The following VWF variants were observed in gnomAD, a reference collection of about 807,000 sequenced individuals.
VWF encodes the protein Factor VIII related antigen.
A neutral mutation model predicts 308.6 loss-of-function variants in VWF; 176 were observed. The observed-to-expected ratio is 0.57, with a 90% confidence interval of 0.50 to 0.65. The LOEUF is 0.65. Among genes scored for constraint, VWF ranks in the 30% least tolerant of loss-of-function variants. The probability of loss-of-function intolerance (pLI) is 0.00; values close to 1 mark genes in which losing one functional copy is unlikely to be tolerated. For synonymous variants in VWF, 1,385 were observed against 1,443.4 expected, an observed-to-expected ratio of 0.96 and a Z score of 0.92; for missense variants, 3,146 against 3,648.2, an observed-to-expected ratio of 0.86 and a Z score of 3.55.
In VWF at chr12:6,124,424, C is replaced by T. The variant is rs1022384177; in HGVS notation, c.-4G>A. ...GCTCTCCTTCCAAAGGCCATACCTT[C>T]CCCTGCAAATGAGGGCTGCGGCTAT... On this transcript the variant is annotated 5_prime_UTR_variant, in exon 1 of 52. Coordinates refer to ENST00000261405, the MANE Select transcript of VWF (RefSeq NM_000552.5). 2.6e-5 allele frequency: 4 copies of T among 152,550 alleles called. No homozygotes were observed. Among genetic ancestry groups the T allele is most frequent in the African/African-American group, 9.6e-5 (4 of 41,452 alleles). The allele number at this position is 152,550 out of a possible 1,614,324, so 9.4% of individuals were successfully genotyped here.
intron 5 of VWF, 97 bp downstream of exon 5, chr12:6,110,277 C>T: frequency 7.6e-7 from 1 of 1,323,882 alleles, no homozygotes; most frequent in Non-Finnish European, 1.1e-6. Flanking sequence ...CACAGTGAGG[C>T]TTGAATGCCA....
rs1476253383 is a variant in VWF, at chr12:6,026,012, C to G, written c.3002G>C (p.Gly1001Ala). The G allele has an allele frequency of 1.2e-6, 2 of 1,613,986 alleles. No homozygotes were observed. The highest frequency in any genetic ancestry group is 3.3e-5 in the Admixed American group (2 of 60,022). ...KVCGLCGNFD[G>A]IQNNDLTSSN... ...GCTGGTGAGGTCATTGTTCTGGATGCCATCAAAATTCCCACACAGGCCACA... is the reference window on the plus strand; with the variant it reads ...GCTGGTGAGGTCATTGTTCTGGATGGCATCAAAATTCCCACACAGGCCACA... The change falls in exon 23 of 52, where the codon GGC becomes GCC. Residue 1001 changes from glycine to alanine, a missense_variant. Around this residue, in one of 3 missense-constraint regions of VWF, gnomAD observed 1,304 missense variants for 1,353.0 expected, o/e 0.96. Coordinates refer to ENST00000261405, the MANE Select transcript of VWF (RefSeq NM_000552.5).
At chr12:6,003,098 T>C (rs1943889876) in intron 34 of VWF, among the ~76,000 whole-genome samples, 1 of 152,164 alleles carries the variant, frequency 6.6e-6, no homozygotes, top group South Asian at 2.1e-4. Flanking sequence ...TAAAAGAAGA[T>C]GTAGACAAAA....
intron 8 of VWF, 113 bp downstream of exon 8, chr12:6,073,506 A>T: frequency 6.9e-7 from 1 of 1,455,370 alleles, no homozygotes; most frequent in Non-Finnish European, 9.5e-7. Flanking sequence ...ACTTAATAAA[A>T]GGCTTCTGAT....
At chr12:6,045,326 CTT>C (rs1343220272) in intron 17 of VWF, among the ~76,000 whole-genome samples, 14 of 152,224 alleles carry the variant, frequency 9.2e-5, no homozygotes. Context: ...TATGGAAACT[CTT>C]GTTAGAAAAC....
chr12:6,064,361 C>T lies in VWF; in HGVS notation c.1317G>A (p.Val439=). The part of the protein sequence containing the change: ...TVQCADDRDA[V]CTRSVTVRLP... ...GCCGGACGGTGACGGAGCGGGTGCACACAGCGTCGCGGTCATCAGCACACT... is the reference window on the plus strand; with the variant it reads ...GCCGGACGGTGACGGAGCGGGTGCATACAGCGTCGCGGTCATCAGCACACT... The change falls in exon 12 of 52, where the codon GTG becomes GTA. Residue 439 remains valine (V), a synonymous_variant. Coordinates refer to ENST00000261405, the MANE Select transcript of VWF (RefSeq NM_000552.5). The T allele has an allele frequency of 1.2e-6, 2 of 1,614,138 alleles. No homozygotes were observed. The highest frequency in any genetic ancestry group is 1.6e-4 in the Middle Eastern group (1 of 6,062).
rs756163194 is a variant in VWF, at chr12:5,994,563, C to T, written c.6108G>A (p.Gly2036=). Residue 2036 remains glycine (G), a synonymous_variant, in exon 36 of 52, where the codon GGG becomes GGA. Coordinates refer to ENST00000261405, the MANE Select transcript of VWF (RefSeq NM_000552.5). ...GRLVSVPYVG[G]NMEVNVYGAI... is the part of the protein sequence containing the mutation. Reference sequence around the variant, plus strand: ...CACCATAAACGTTGACTTCCATGTTCCCACCCACGTAAGGAACAGAGACCA... The same window carrying T: ...CACCATAAACGTTGACTTCCATGTTTCCACCCACGTAAGGAACAGAGACCA... 102 of 1,613,816 alleles carry T rather than the reference C, an allele frequency of 6.3e-5. No individual in the cohort carries two copies. Among genetic ancestry groups the T allele is most frequent in the Admixed American group, 1.7e-5 (1 of 59,990 alleles).
chr12:5,988,530 A>G (rs1342891697), intron 38 of VWF, among the ~76,000 whole-genome samples: 1 of 152,166 alleles, frequency 6.6e-6, no homozygotes, highest in East Asian at 1.9e-4. Context: ...TAAATCACAC[A>G]ATTTTCCAAC....
chr12:5,992,975 T>C (rs1049879606), intron 37 of VWF, among the ~76,000 whole-genome samples: 22 of 152,172 alleles, frequency 1.4e-4, no homozygotes, highest in Non-Finnish European at 7.3e-5. Context: ...CTAAGGAACC[T>C]ACAGGTTATC....
chr12:6,074,424 A>G (rs2136473162), intron 7 of VWF, among the ~76,000 whole-genome samples: 1 of 143,400 alleles, frequency 7.0e-6, no homozygotes, highest in African/African-American at 2.7e-5. Flanking sequence ...ACACCAAACT[A>G]TTGCCCCTTA....
chr12:5,988,330 C>T (rs1354859279), intron 38 of VWF, among the ~76,000 whole-genome samples: 1 of 152,152 alleles, frequency 6.6e-6, no homozygotes, highest in Admixed American at 6.5e-5. Flanking sequence ...CCAGAAAAGA[C>T]ACAGCGGCTG....
Position 6,044,401 on chromosome 12 carries a change from C to T in VWF, c.2332G>A (p.Ala778Thr), listed in dbSNP as rs146892641. 38 of 1,614,176 alleles carry T rather than the reference C, an allele frequency of 2.4e-5. No individual in the cohort carries two copies. The African/African-American group carries it at 2.9e-4, about 12-fold the overall frequency. Reference sequence around the variant, plus strand: ...AGCCCTTCAGCCCGCAGGTTGTCAGCGGGACACACCAGCTTGACCATGGGG... The same window carrying T: ...AGCCCTTCAGCCCGCAGGTTGTCAGTGGGACACACCAGCTTGACCATGGGG... ...RPPMVKLVCP[A>T]DNLRAEGLEC... Residue 778 changes from alanine to threonine, a missense_variant, in exon 18 of 52, where the codon GCT (alanine) becomes ACT (threonine). Physicochemically the swap from Ala to Thr is moderately conservative, Grantham distance 58. Transcript: ENST00000261405.
At position 5,991,973 on chromosome 12, in the gene VWF, C is replaced by T. The variant is rs779819874; in HGVS notation, c.6644G>A (p.Gly2215Asp). The T allele has an allele frequency of 2.5e-6, 4 of 1,614,192 alleles. No homozygotes were observed. Among genetic ancestry groups the T allele is most frequent in the Non-Finnish European group, 3.4e-6 (4 of 1,180,036 alleles). Reference protein sequence around the residue: ...PSLVYNHCEHGCPRHCDGNVS... With the variant: ...PSLVYNHCEHDCPRHCDGNVS... ...GTTGCCATCACAGTGCCGGGGACAG[C>T]CATGCTCACAGTGGTTGTAGACCAG... is the stretch of plus-strand genomic sequence containing the variant. The change falls in exon 38 of 52, where the codon GGC becomes GAC. Residue 2215 changes from glycine to aspartate, a missense_variant. Transcript: ENST00000261405.
chr12:6,057,866 G>A lies in VWF; in HGVS notation c.1712C>T (p.Ala571Val), dbSNP rs1565847355. 6.2e-7 allele frequency: 1 copy of A among 1,609,750 alleles called. No homozygotes were observed. Among genetic ancestry groups the A allele is most frequent in the East Asian group, 2.2e-5 (1 of 44,816 alleles). The stretch of plus-strand genomic sequence containing the variant: ...TCACATACTCATGCGCGGGTTGAGG[G>A]CGCAGGGATCGCTGTGCTGCTTCTG... ...DLQKQHSDPCALNPRMTRFSE... is the reference protein window; with the variant it reads ...DLQKQHSDPCVLNPRMTRFSE... Residue 571 changes from alanine to valine, a missense_variant, in exon 14 of 52, where the codon GCC becomes GTC. Ala to Val is a moderately conservative substitution (Grantham distance 64, BLOSUM62 0). Transcript: ENST00000261405.
intron 34 of VWF, among the ~76,000 whole-genome samples, chr12:6,001,623 C>T (rs545575135): frequency 7.2e-5 from 11 of 152,260 alleles, no homozygotes; most frequent in African/African-American, 2.6e-4. Context: ...AGCAAGGAGA[C>T]ATTGGTAGAC....
chr12:6,047,448 G>A (rs1944457848), intron 16 of VWF, among the ~76,000 whole-genome samples: 1 of 152,170 alleles, frequency 6.6e-6, no homozygotes, highest in African/African-American at 2.4e-5. Flanking sequence ...CCATCCATCT[G>A]GCTTCGCAAC....
intron 31 of VWF, 132 bp from the exon 32 acceptor site, chr12:6,013,777 G>A (rs1944024156): frequency 9.9e-7 from 1 of 1,013,898 alleles, no homozygotes; most frequent in African/African-American, 1.6e-5. Flanking sequence ...GCCCTATGAG[G>A]AAGATGTTCA....
At chr12:6,013,398 C>G (rs1399209184) in intron 32 of VWF, 83 bp downstream of exon 32, 19 of 1,569,368 alleles carry the variant, frequency 1.2e-5, no homozygotes, top group Admixed American at 1.7e-5. Context: ...CCTGGGGTCT[C>G]TTGAATACTA....
chr12:6,115,898 A>C (rs1945359629), intron 3 of VWF, among the ~76,000 whole-genome samples: 1 of 152,086 alleles, frequency 6.6e-6, no homozygotes, highest in Non-Finnish European at 1.5e-5. Context: ...TCCACTGTGG[A>C]AATGGAGCAG....
Sources: allele counts gnomAD v4.1 joint callset (sites outside exome capture counted in the v4.1 genomes callset), GRCh38; gene constraint gnomAD v4.1.1; regional missense constraint gnomAD v4.1.1; transcripts MANE v1.5; gene names NCBI Gene and HGNC (gene_info 2026-07-23, HGNC 2026-07-21).